Variants in DISP1 observed in about 807,000 individuals in gnomAD.
DISP1 encodes dispatched RND transporter family member 1, also known as protein dispatched homolog 1.
Under a neutral mutation model 37.3 loss-of-function variants are expected in DISP1, and 30 were observed. The ratio of observed to expected loss-of-function variants is 0.80; its 90% CI spans 0.60 to 1.09. The LOEUF (loss-of-function observed/expected upper bound fraction) is 1.09, where lower values mean the gene tolerates loss of function less well. Among genes scored for constraint, DISP1 ranks in the 50% least tolerant of loss-of-function variants. The probability of loss-of-function intolerance (pLI) is 0.00; values close to 1 mark genes in which losing one functional copy is unlikely to be tolerated. For synonymous variants in DISP1, 634 were observed against 690.2 expected (o/e 0.92, Z 1.28); for missense variants, 1,598 against 1,879.5 (o/e 0.85, Z 2.77).
At chr1:222,866,064 T>C (rs76439210) in intron 1 of DISP1, among the ~76,000 whole-genome samples, 11,962 of 152,080 alleles carry the variant, frequency 0.079, 565 homozygotes, top group East Asian at 0.25. Context: ...TTGACCTCAG[T>C]AGGTCAATGT....
At chr1:222,972,373 G>C (rs1033650966) in intron 3 of DISP1, among the ~76,000 whole-genome samples, 1 of 151,878 alleles carries the variant, frequency 6.6e-6, no homozygotes, top group Non-Finnish European at 1.5e-5. Context: ...CTTCCCTTTA[G>C]CATTTCCCCT....
At position 223,004,270 on chromosome 1, in the gene DISP1, C is replaced by T; in HGVS notation, c.2873C>T (p.Ala958Val). 6.2e-7 allele frequency: 1 copy of T among 1,614,092 alleles called. No individual in the cohort carries two copies. Among genetic ancestry groups the T allele is most frequent in the Non-Finnish European group, 8.5e-7 (1 of 1,179,986 alleles). ...DSWISSELSS[A>V]PEGLSNGWFV... ...TGGATATCCAGTGAGCTGAGTTCGGCCCCTGAAGGCCTCAGCAATGGTTGG... is the reference window on the plus strand; with the variant it reads ...TGGATATCCAGTGAGCTGAGTTCGGTCCCTGAAGGCCTCAGCAATGGTTGG... The change falls in exon 9 of 9, where the codon GCC (alanine) becomes GTC (valine). Residue 958 changes from alanine (A) to valine (V), a missense_variant. Ala to Val is a moderately conservative substitution (Grantham distance 64). Transcript: ENST00000675850. This position sits in a 1 kb window ranked among gnomAD's most constrained non-coding sequence, Gnocchi z 4.9.
At chr1:222,889,921 T>G (rs2125384403) in intron 1 of DISP1, among the ~76,000 whole-genome samples, 1 of 152,298 alleles carries the variant, frequency 6.6e-6, no homozygotes, top group Non-Finnish European at 1.5e-5. Context: ...TTTCAAGCTG[T>G]TTTATTGGCA....
chr1:222,919,818 G>C (rs1055735548), intron 1 of DISP1, among the ~76,000 whole-genome samples: 9 of 152,046 alleles, frequency 5.9e-5, no homozygotes, highest in Admixed American at 3.3e-4. Flanking sequence ...GTAGCTTAAG[G>C]TTCTTTCCTT....
At chr1:222,852,405 C>T (rs1280876296) in intron 1 of DISP1, among the ~76,000 whole-genome samples, 1 of 151,702 alleles carries the variant, frequency 6.6e-6, no homozygotes, top group Non-Finnish European at 1.5e-5. Context: ...CTGATTTTCA[C>T]CATGTTGCCC....
chr1:223,005,954 G>A lies in DISP1; in HGVS notation c.4557G>A (p.Leu1519=). The change falls in exon 9 of 9, where the codon TTG becomes TTA. Residue 1519 remains leucine (L), a synonymous_variant. Coordinates refer to ENST00000675850, the MANE Select transcript of DISP1 (RefSeq NM_001377229.1). ...LTHSELSGES[L]LIKTL is the part of the protein sequence containing the mutation. ...ACTCGGAACTTTCTGGTGAAAGTTTGTTAATAAAAACACTATAATAAATGC... is the reference window on the plus strand; with the variant it reads ...ACTCGGAACTTTCTGGTGAAAGTTTATTAATAAAAACACTATAATAAATGC... The A allele has an allele frequency of 1.2e-6, 2 of 1,612,004 alleles. No individual in the cohort carries two copies. The highest frequency in any genetic ancestry group is 1.7e-6 in the Non-Finnish European group (2 of 1,178,638).
chr1:222,980,650 A>G (rs1315437696), intron 3 of DISP1, among the ~76,000 whole-genome samples: 1 of 152,214 alleles, frequency 6.6e-6, no homozygotes, highest in Non-Finnish European at 1.5e-5. Flanking sequence ...CAAATAAGAT[A>G]TGGTTCCTTT....
chr1:222,950,541 A>C (rs976579034), intron 3 of DISP1, among the ~76,000 whole-genome samples: 1 of 152,038 alleles, frequency 6.6e-6, no homozygotes, highest in Non-Finnish European at 1.5e-5. Context: ...CAGAGCTTGC[A>C]GTGATCTGAG....
intron 1 of DISP1, among the ~76,000 whole-genome samples, chr1:222,898,805 G>C (rs760050841): frequency 6.6e-6 from 1 of 151,840 alleles, no homozygotes. Context: ...TTCAGGGTTT[G>C]GTTATATTAT....
intron 1 of DISP1, among the ~76,000 whole-genome samples, chr1:222,840,453 G>T (rs1223530049): frequency 6.6e-6 from 1 of 151,832 alleles, no homozygotes; most frequent in African/African-American, 2.4e-5. Context: ...TGTTGGCCAG[G>T]CTGGTTCTTG....
chr1:222,956,647 T>C (rs115103770), intron 3 of DISP1, among the ~76,000 whole-genome samples: 2,530 of 152,238 alleles, frequency 0.017, 67 homozygotes, highest in South Asian at 0.11. Context: ...TTTTAACCTC[T>C]TTACCCCTGA....
chr1:222,862,084 C>T (rs953700539), intron 1 of DISP1, among the ~76,000 whole-genome samples: 1 of 152,196 alleles, frequency 6.6e-6, no homozygotes, highest in African/African-American at 2.4e-5. Flanking sequence ...TTCTGCTTAT[C>T]ACCTCCTTGT....
intron 7 of DISP1, among the ~76,000 whole-genome samples, chr1:222,992,529 T>C (rs1305757471): frequency 6.6e-6 from 1 of 152,216 alleles, no homozygotes; most frequent in Non-Finnish European, 1.5e-5. Flanking sequence ...CATTCTAAAG[T>C]GAATCAGAAA....
chr1:222,828,251 T>G (rs1664897858), intron 1 of DISP1, among the ~76,000 whole-genome samples: 1 of 152,226 alleles, frequency 6.6e-6, no homozygotes, highest in Non-Finnish European at 1.5e-5. Flanking sequence ...TGCTTTCTAC[T>G]TATCTTTTGT....
chr1:222,898,311 G>A (rs1306610119), intron 1 of DISP1, among the ~76,000 whole-genome samples: 12 of 152,190 alleles, frequency 7.9e-5, no homozygotes, highest in East Asian at 1.9e-4. Flanking sequence ...TCATAGAGCC[G>A]ATTGTTGGGG....
intron 3 of DISP1, among the ~76,000 whole-genome samples, chr1:222,950,006 G>A (rs10495205): frequency 0.17 from 26,388 of 152,174 alleles, 2,398 homozygotes; most frequent in South Asian, 0.32. Context: ...CCTAAACCTA[G>A]CTGATCATCT....
chr1:222,866,471 A>T (rs539380656), intron 1 of DISP1, among the ~76,000 whole-genome samples: 1 of 151,944 alleles, frequency 6.6e-6, no homozygotes, highest in African/African-American at 2.4e-5. Context: ...CAGCCTCCTG[A>T]GTAGCTGGGA....
chr1:222,846,337 C>T (rs1667894151), intron 1 of DISP1, among the ~76,000 whole-genome samples: 2 of 152,006 alleles, frequency 1.3e-5, no homozygotes, highest in South Asian at 4.1e-4. Context: ...ACTAAAAATA[C>T]AAAATTAGCT....
intron 1 of DISP1, among the ~76,000 whole-genome samples, chr1:222,815,513 G>A (rs1348366788): frequency 1.3e-5 from 2 of 152,190 alleles, no homozygotes; most frequent in Non-Finnish European, 2.9e-5. Flanking sequence ...GAGGGTCGTA[G>A]GTGAGAAGGA....
Sources: gnomAD v4.1 joint callset for allele counts (sites outside exome capture counted in the v4.1 genomes callset) on GRCh38, gnomAD v4.1.1 for gene constraint, Gnocchi (gnomAD v3.1) non-coding constraint, MANE v1.5 for transcripts, NCBI Gene and HGNC (gene_info 2026-07-23, HGNC 2026-07-21) for gene names.